Variants in MRRF observed in about 807,000 individuals in gnomAD.
MRRF encodes the protein mitochondrial ribosome recycling factor, also known as ribosome-recycling factor, mitochondrial.
Under a neutral mutation model 25.1 loss-of-function variants are expected in MRRF, and 18 were observed. The ratio of observed to expected loss-of-function variants is 0.72; its 90% CI spans 0.50 to 1.06. The LOEUF is 1.06. MRRF is among the 50% of genes least tolerant of loss of function. The pLI, the probability that MRRF is intolerant of heterozygous loss-of-function variation, is 0.00. For missense variants in MRRF, 323 were observed against 319.3 expected, an observed-to-expected ratio of 1.01 and a Z score of -0.09; for synonymous variants, 113 against 112.1, an observed-to-expected ratio of 1.01 and a Z score of -0.05.
At chr9:122,308,560 A>G (rs1292969129) in intron 5 of MRRF, among the ~76,000 whole-genome samples, 4 of 151,504 alleles carry the variant, frequency 2.6e-5, no homozygotes, top group Non-Finnish European at 4.4e-5. Context: ...TTATCCAGGC[A>G]TGGTGGCTTG....
intron 3 of MRRF, among the ~76,000 whole-genome samples, chr9:122,283,964 GTTT>G (rs1237769076): frequency 2.8e-5 from 4 of 140,998 alleles, no homozygotes; most frequent in Non-Finnish European, 4.5e-5. Context: ...AATGTTAATA[GTTT>G]TGTTGTTGTT....
intron 2 of MRRF, 148 bp from the exon 3 acceptor site, chr9:122,280,295 A>G (rs745613262): frequency 3.6e-6 from 3 of 837,714 alleles, no homozygotes; most frequent in Non-Finnish European, 5.8e-6. Context: ...CTCAGTTAAT[A>G]TAGGCTCTTT....
intron 3 of MRRF, among the ~76,000 whole-genome samples, chr9:122,281,525 G>C (rs1380296866): frequency 6.6e-6 from 1 of 152,336 alleles, no homozygotes; most frequent in Middle Eastern, 3.4e-3. Flanking sequence ...GACTGTTCCC[G>C]TCACTTGTCA....
intron 3 of MRRF, among the ~76,000 whole-genome samples, chr9:122,284,446 T>A (rs528908429): frequency 1.3e-5 from 2 of 152,328 alleles, no homozygotes; most frequent in South Asian, 2.1e-4. Context: ...AGAGGTACAG[T>A]CCTCACTCTA....
At position 122,313,222 on chromosome 9, in the gene MRRF, A is replaced by T. The variant is rs778743486; in HGVS notation, c.552-5A>T. On this transcript the variant is annotated splice_region_variant and splice_polypyrimidine_tract_variant and intron_variant, in intron 5 of 6. Transcript: ENST00000344641. ...TTTTGTTGAATGTCTTTTGTCTTTT[A>T]TCAGAGTAACCAGAGAGCACAGAGA... 1.9e-6 allele frequency: 3 copies of T among 1,613,706 alleles called. No individual in the cohort carries two copies. The highest frequency in any genetic ancestry group is 1.3e-5 in the African/African-American group (1 of 74,898).
At position 122,324,281 on chromosome 9, in the gene MRRF, T is replaced by C. The variant is rs1003449140; in HGVS notation, c.*1664T>C. On this transcript the variant is annotated 3_prime_UTR_variant, in exon 7 of 7. Transcript: ENST00000344641. ...AATTTCCTAGGACAGCTCACACAACTCAGGGAAACACGTTCACTGGTTTAT... is the reference window on the plus strand; with the variant it reads ...AATTTCCTAGGACAGCTCACACAACCCAGGGAAACACGTTCACTGGTTTAT... The C allele has an allele frequency of 2.0e-5, 3 of 152,150 alleles. No individual in the cohort carries two copies. The highest frequency in any genetic ancestry group is 4.4e-5 in the Non-Finnish European group (3 of 68,040). The allele number at this position is 152,150 out of a possible 1,614,324, so 9.4% of individuals were successfully genotyped here.
intron 2 of MRRF, among the ~76,000 whole-genome samples, chr9:122,274,967 T>C (rs1832689406): frequency 6.6e-6 from 1 of 152,130 alleles, no homozygotes; most frequent in Admixed American, 6.5e-5. Flanking sequence ...GTTCATTAAT[T>C]TTTGGTCTTT....
intron 3 of MRRF, among the ~76,000 whole-genome samples, chr9:122,281,275 A>C (rs1728752180): frequency 6.6e-6 from 1 of 152,238 alleles, no homozygotes; most frequent in African/African-American, 2.4e-5. Context: ...GGAAAAATCC[A>C]GTTGCTGTTA....
intron 5 of MRRF, 119 bp downstream of exon 5, chr9:122,291,959 C>T: frequency 1.3e-6 from 1 of 777,674 alleles, no homozygotes; most frequent in Admixed American, 1.8e-5. Flanking sequence ...TACCTTTCAC[C>T]CTGGCAAACA....
chr9:122,326,590 C>T lies in MRRF; in HGVS notation c.*3973C>T, dbSNP rs1393659262. Reference sequence around the variant, plus strand: ...TACCATAACTTAATTCACTATTAGCCCATGACACTATTTAAAAATTATTTC... The same window carrying T: ...TACCATAACTTAATTCACTATTAGCTCATGACACTATTTAAAAATTATTTC... On this transcript the variant is annotated 3_prime_UTR_variant, in exon 7 of 7. Transcript: ENST00000344641. The T allele has an allele frequency of 6.6e-6, 1 of 151,900 alleles. No homozygotes were observed. The highest frequency in any genetic ancestry group is 1.5e-5 in the Non-Finnish European group (1 of 68,008). 9.4% of individuals were successfully genotyped at this position (151,900 alleles called of 1,614,324 possible).
chr9:122,318,843 A>G (rs924515493), intron 6 of MRRF, among the ~76,000 whole-genome samples: 4 of 152,194 alleles, frequency 2.6e-5, no homozygotes, highest in Non-Finnish European at 5.9e-5. Flanking sequence ...TTCTTCATCC[A>G]TAAAGTGGGA....
chr9:122,267,689 A>G (rs1832201109), intron 1 of MRRF, among the ~76,000 whole-genome samples: 1 of 152,164 alleles, frequency 6.6e-6, no homozygotes, highest in African/African-American at 2.4e-5. Context: ...TCTTGGGCAG[A>G]TTTTTGCTTC....
chr9:122,314,934 G>A (rs770264258), intron 6 of MRRF, among the ~76,000 whole-genome samples: 2 of 152,156 alleles, frequency 1.3e-5, no homozygotes, highest in African/African-American at 4.8e-5. Context: ...GAACAGGCAT[G>A]TGGGCTGGAT....
intron 1 of MRRF, chr9:122,265,589 C>T (rs1264158972): frequency 5.1e-6 from 2 of 388,426 alleles, no homozygotes; most frequent in East Asian, 7.3e-5. Context: ...GTTGCATTTC[C>T]CCCCATTTTG....
chr9:122,317,294 A>T (rs1416399940), intron 6 of MRRF, among the ~76,000 whole-genome samples: 1 of 151,930 alleles, frequency 6.6e-6, no homozygotes, highest in East Asian at 1.9e-4. Flanking sequence ...CTTATCTGGG[A>T]ACTGTTGCTT....
At chr9:122,304,624 C>T (rs1215332247) in intron 5 of MRRF, among the ~76,000 whole-genome samples, 1 of 152,168 alleles carries the variant, frequency 6.6e-6, no homozygotes, top group Non-Finnish European at 1.5e-5. Context: ...TGGTACCTAC[C>T]GGTTGACTAC....
At chr9:122,319,147 CTTTTT>C (rs35949709) in intron 6 of MRRF, among the ~76,000 whole-genome samples, 1 of 121,030 alleles carries the variant, frequency 8.3e-6, no homozygotes, top group Non-Finnish European at 1.8e-5. Flanking sequence ...TTCTTTCTTT[CTTTTT>C]TTTTTTTTTT....
At chr9:122,321,898 G>C (rs1835913392) in intron 6 of MRRF, among the ~76,000 whole-genome samples, 2 of 152,106 alleles carry the variant, frequency 1.3e-5, no homozygotes, top group African/African-American at 4.8e-5. Flanking sequence ...TAGAATAATA[G>C]TTAAGAATTT....
intron 2 of MRRF, among the ~76,000 whole-genome samples, chr9:122,273,740 T>G (rs1222449323): frequency 6.6e-6 from 1 of 152,216 alleles, no homozygotes; most frequent in Non-Finnish European, 1.5e-5. Context: ...GATAACCCAC[T>G]ATATTGACTT....
Sources: gnomAD v4.1 joint callset for allele counts (sites outside exome capture counted in the v4.1 genomes callset) on GRCh38, gnomAD v4.1.1 for gene constraint, MANE v1.5 for transcripts, NCBI Gene and HGNC (gene_info 2026-07-23, HGNC 2026-07-21) for gene names.